The following PLEKHG1 variants were observed in gnomAD, a reference collection of about 807,000 sequenced individuals.
PLEKHG1 encodes pleckstrin homology domain-containing family G member 1.
A neutral mutation model predicts 100.8 loss-of-function variants in PLEKHG1; 44 were observed. That is an observed-to-expected ratio of 0.44 (90% confidence interval 0.34 to 0.56). The LOEUF (loss-of-function observed/expected upper bound fraction) is 0.56, where lower values mean the gene tolerates loss of function less well. Ranked by LOEUF, PLEKHG1 falls within the 20% of genes least tolerant of loss-of-function variation. The probability of loss-of-function intolerance (pLI) is 0.01; values close to 1 mark genes in which losing one functional copy is unlikely to be tolerated. For missense variants in PLEKHG1, 1,545 were observed against 1,720.9 expected (o/e 0.90, Z 1.81); for synonymous variants, 640 against 662.5 (o/e 0.97, Z 0.52).
chr6:150,828,654 G>A (rs1402441697), intron 14 of PLEKHG1, among the ~76,000 whole-genome samples: 1 of 151,490 alleles, frequency 6.6e-6, no homozygotes, highest in African/African-American at 2.4e-5. Flanking sequence ...AACAATTCAG[G>A]TTTCCTAATT....
intron 2 of PLEKHG1, among the ~76,000 whole-genome samples, chr6:150,644,862 A>G (rs1191537347): frequency 1.3e-5 from 2 of 152,150 alleles, no homozygotes; most frequent in African/African-American, 4.8e-5. Flanking sequence ...TTAAGGCTCT[A>G]AATAGTGTGG....
intron 2 of PLEKHG1, among the ~76,000 whole-genome samples, chr6:150,756,873 C>T (rs1440107076): frequency 6.6e-6 from 1 of 152,188 alleles, no homozygotes; most frequent in Non-Finnish European, 1.5e-5. Context: ...ATCTATACTA[C>T]TGTTCCTGTC....
intron 3 of PLEKHG1, among the ~76,000 whole-genome samples, chr6:150,778,463 A>T (rs1785114312): frequency 6.6e-6 from 1 of 152,010 alleles, no homozygotes; most frequent in Admixed American, 6.6e-5. Flanking sequence ...CTCTTCCAAG[A>T]CTTCCTGCAC....
intron 3 of PLEKHG1, among the ~76,000 whole-genome samples, chr6:150,668,529 T>C (rs1779483615): frequency 6.6e-6 from 1 of 152,208 alleles, no homozygotes; most frequent in East Asian, 1.9e-4. Context: ...AGACAATTCC[T>C]GAGTGCTCAA....
chr6:150,629,739 G>A (rs959195356), intron 1 of PLEKHG1, among the ~76,000 whole-genome samples: 2 of 152,136 alleles, frequency 1.3e-5, no homozygotes, highest in African/African-American at 2.4e-5. Context: ...GATTACAGGC[G>A]TGAGCCACTG....
rs147448503 is a variant in PLEKHG1 at position 150,644,492 on chromosome 6, C to T, written c.-157-6236C>T. Among the ~76,000 whole-genome samples the T allele has an allele frequency of 7.2e-3, 1,087 of 151,722 alleles. 14 individuals carry two copies. Among genetic ancestry groups the T allele is most frequent in the African/African-American group, 0.025 (1,026 of 41,354 alleles). ...TGGGATTACAGGCTACTCCCACACCCGGCTAATTTTTGTATTTTTAGTAGA... is the reference window on the plus strand; with the variant it reads ...TGGGATTACAGGCTACTCCCACACCTGGCTAATTTTTGTATTTTTAGTAGA... On this transcript the variant is annotated intron_variant, in intron 2 of 3. Transcript: ENST00000367326.
intron 3 of PLEKHG1, among the ~76,000 whole-genome samples, chr6:150,651,431 A>G (rs1365192225): frequency 6.6e-6 from 1 of 152,044 alleles, no homozygotes; most frequent in Non-Finnish European, 1.5e-5. Context: ...ATGGGGTTTC[A>G]CCACGTTGGC....
At chr6:150,632,468 G>A (rs1777800225) in intron 1 of PLEKHG1, among the ~76,000 whole-genome samples, 1 of 152,250 alleles carries the variant, frequency 6.6e-6, no homozygotes, top group Admixed American at 6.5e-5. Context: ...AGTCAGACTT[G>A]GTGGCCTGGG....
At chr6:150,629,383 A>G (rs945950016) in intron 1 of PLEKHG1, among the ~76,000 whole-genome samples, 7 of 152,202 alleles carry the variant, frequency 4.6e-5, no homozygotes, top group Non-Finnish European at 1.0e-4. Context: ...ATTATATGCA[A>G]TTAAGATTTC....
At chr6:150,830,926 T>C in exon 15 of PLEKHG1, 1 of 1,613,956 alleles carries the variant, frequency 6.2e-7, no homozygotes, top group African/African-American at 1.3e-5. Flanking sequence ...GTCACAGGAT[T>C]GTCAGGCGGG....
intron 3 of PLEKHG1, among the ~76,000 whole-genome samples, chr6:150,676,142 T>C (rs1156624778): frequency 6.6e-6 from 1 of 152,210 alleles, no homozygotes; most frequent in Admixed American, 6.5e-5. Flanking sequence ...TTTATTGATA[T>C]GAAGTTTAAA....
intron 4 of PLEKHG1, 54 bp from the exon 6 acceptor site, chr6:150,795,802 A>G: frequency 1.0e-6 from 1 of 971,064 alleles, no homozygotes; most frequent in Non-Finnish European, 1.7e-6. Flanking sequence ...TTTTCAAATG[A>G]ATGTTTATGT....
At chr6:150,612,402 G>A (rs10872664) in intron 1 of PLEKHG1, among the ~76,000 whole-genome samples, 3 of 151,950 alleles carry the variant, frequency 2.0e-5, no homozygotes, top group South Asian at 2.1e-4. Context: ...GCATGATCTC[G>A]GTTCCTTGTA....
intron 3 of PLEKHG1, among the ~76,000 whole-genome samples, chr6:150,777,959 C>T (rs943067469): frequency 1.3e-5 from 2 of 152,248 alleles, no homozygotes; most frequent in African/African-American, 4.8e-5. Context: ...CACTGCATTC[C>T]AGGCCCCGAC....
intron 15 of PLEKHG1, among the ~76,000 whole-genome samples, chr6:150,837,889 T>C (rs1422006068): frequency 6.6e-6 from 1 of 152,266 alleles, no homozygotes; most frequent in Non-Finnish European, 1.5e-5. Context: ...CTCAAGTTTT[T>C]GTAACTAGAA....
At chr6:150,632,139 T>C (rs1420739383) in intron 1 of PLEKHG1, among the ~76,000 whole-genome samples, 1 of 152,220 alleles carries the variant, frequency 6.6e-6, no homozygotes, top group Non-Finnish European at 1.5e-5. Context: ...CATGTCGTAA[T>C]GTTCAGTGAA....
chr6:150,735,079 C>T (rs9478131), intron 2 of PLEKHG1, among the ~76,000 whole-genome samples: 3,056 of 148,928 alleles, frequency 0.021, 97 homozygotes, highest in African/African-American at 0.071. Context: ...CTCCGCCTCC[C>T]GGGTTCAAGC....
At chr6:150,808,993 A>AC (rs2128669270) in intron 7 of PLEKHG1, 112 bp from the exon 9 acceptor site, 3 of 778,718 alleles carry the variant, frequency 3.9e-6, no homozygotes, top group South Asian at 1.7e-5. Flanking sequence ...AGATAGTTAG[A>AC]CCCCCTCAGG....
chr6:150,824,228 A>T (rs776610526), intron 14 of PLEKHG1, among the ~76,000 whole-genome samples: 27 of 152,258 alleles, frequency 1.8e-4, no homozygotes, highest in Non-Finnish European at 3.2e-4. Context: ...TAAGAATGGT[A>T]TACTGTATTG....
Sources: allele counts gnomAD v4.1 joint callset (sites outside exome capture counted in the v4.1 genomes callset), GRCh38; gene constraint gnomAD v4.1.1; transcripts MANE v1.5; gene names NCBI Gene and HGNC (gene_info 2026-07-23, HGNC 2026-07-21).